The following GLDC variants were observed in gnomAD, a reference collection of about 807,000 sequenced individuals.
The protein encoded by GLDC is glycine decarboxylase.
A neutral mutation model predicts 121.3 loss-of-function variants in GLDC; 104 were observed. The observed-to-expected ratio is 0.86, with a 90% CI of 0.73 to 1.01. GLDC has a LOEUF of 1.01. Among genes scored for constraint, GLDC ranks in the 50% least tolerant of loss-of-function variants. The pLI is 0.00. For missense variants in GLDC, 1,429 were observed against 1,306.6 expected, an observed-to-expected ratio of 1.09 and a Z score of -1.44; for synonymous variants, 546 against 480.6, an observed-to-expected ratio of 1.14 and a Z score of -1.78.
At chr9:6,599,948 G>C (rs1046441885) in intron 8 of GLDC, among the ~76,000 whole-genome samples, 1 of 152,080 alleles carries the variant, frequency 6.6e-6, no homozygotes, top group Admixed American at 6.6e-5. Context: ...AGATCTTATT[G>C]CCCACTGCCT....
intron 22 of GLDC, 45 bp from the exon 23 acceptor site, chr9:6,536,281 C>T: frequency 6.5e-7 from 1 of 1,527,246 alleles, no homozygotes; most frequent in Non-Finnish European, 9.0e-7. Context: ...AGGTCAGTGG[C>T]CTACCCAGTT....
intron 3 of GLDC, among the ~76,000 whole-genome samples, chr9:6,617,114 G>C (rs543783424): frequency 6.6e-6 from 1 of 152,240 alleles, no homozygotes; most frequent in South Asian, 2.1e-4. Context: ...TCCGGAATTT[G>C]TTGGTTCCAT....
intron 7 of GLDC, among the ~76,000 whole-genome samples, chr9:6,602,875 C>T (rs967690850): frequency 3.3e-5 from 5 of 151,970 alleles, no homozygotes; most frequent in Non-Finnish European, 7.4e-5. Flanking sequence ...ACAGATTCCA[C>T]CAATCACGGA....
intron 3 of GLDC, among the ~76,000 whole-genome samples, chr9:6,616,917 G>A (rs1818976759): frequency 6.6e-6 from 1 of 152,260 alleles, no homozygotes; most frequent in African/African-American, 2.4e-5. Flanking sequence ...TAATCCTGCT[G>A]ACAAAAATAT....
At chr9:6,621,029 G>A (rs1236444554) in intron 2 of GLDC, among the ~76,000 whole-genome samples, 1 of 152,142 alleles carries the variant, frequency 6.6e-6, no homozygotes, top group African/African-American at 2.4e-5. Context: ...AATTAGCCAG[G>A]CATGGTGGTT....
chr9:6,554,999 C>T, intron 18 of GLDC: 1 of 612,978 alleles, frequency 1.6e-6, no homozygotes, highest in Non-Finnish European at 2.9e-6. Flanking sequence ...ATGGAAATAG[C>T]AACTGACCAT....
intron 2 of GLDC, 170 bp downstream of exon 2, chr9:6,644,444 C>G: frequency 4.5e-6 from 3 of 665,188 alleles, no homozygotes; most frequent in Non-Finnish European, 8.1e-6. Flanking sequence ...GCTCCGAGAA[C>G]CAAATATCCC....
chr9:6,613,264 AC>A (rs1818897872), intron 3 of GLDC, among the ~76,000 whole-genome samples: 2 of 152,216 alleles, frequency 1.3e-5, no homozygotes, highest in African/African-American at 4.8e-5. Flanking sequence ...CCAAACTTTA[AC>A]ATAACTACAG....
intron 3 of GLDC, 122 bp downstream of exon 3, chr9:6,620,062 G>A: frequency 1.1e-6 from 1 of 940,422 alleles, no homozygotes; most frequent in Non-Finnish European, 1.7e-6. Context: ...CCCGGACATT[G>A]GAGACAGCAC....
intron 2 of GLDC, among the ~76,000 whole-genome samples, chr9:6,627,475 C>T (rs140703901): frequency 8.5e-4 from 129 of 152,204 alleles, no homozygotes; most frequent in Middle Eastern, 3.4e-3. Flanking sequence ...GACTCTGCCC[C>T]TATCCAGCTT....
intron 9 of GLDC, among the ~76,000 whole-genome samples, chr9:6,593,778 C>T (rs748165107): frequency 6.6e-6 from 1 of 151,496 alleles, no homozygotes. Flanking sequence ...CTGCAACCTC[C>T]GCCTCCTAAA....
chr9:6,554,303 A>G (rs923455801), intron 19 of GLDC, among the ~76,000 whole-genome samples: 1 of 152,192 alleles, frequency 6.6e-6, no homozygotes. Flanking sequence ...GATTTTAAAA[A>G]AGAAAAAAAA....
chr9:6,590,055 A>T (rs1228056443), intron 11 of GLDC, among the ~76,000 whole-genome samples: 2 of 145,778 alleles, frequency 1.4e-5, no homozygotes, highest in African/African-American at 5.0e-5. Context: ...ACTCCATCTT[A>T]AAAAAAAAAA....
intron 19 of GLDC, among the ~76,000 whole-genome samples, chr9:6,553,953 C>T (rs1403840825): frequency 2.0e-5 from 3 of 151,770 alleles, no homozygotes; most frequent in African/African-American, 7.3e-5. Flanking sequence ...TAGAAATAAT[C>T]ATCATCAAAA....
intron 2 of GLDC, among the ~76,000 whole-genome samples, chr9:6,622,419 T>A (rs1819123075): frequency 6.7e-6 from 1 of 149,566 alleles, no homozygotes; most frequent in Admixed American, 6.6e-5. Flanking sequence ...TTTTCGTATT[T>A]TTTTGGTGGA....
At chr9:6,600,800 T>C (rs1818593776) in intron 8 of GLDC, among the ~76,000 whole-genome samples, 1 of 152,040 alleles carries the variant, frequency 6.6e-6, no homozygotes, top group Non-Finnish European at 1.5e-5. Context: ...ACCTAAGCCC[T>C]GGAGCAACTT....
chr9:6,631,896 C>T (rs115170950), intron 2 of GLDC, among the ~76,000 whole-genome samples: 2,108 of 152,206 alleles, frequency 0.014, 41 homozygotes, highest in African/African-American at 0.048. Context: ...GCAAGACCCC[C>T]GTCTCTACAA....
At chr9:6,615,770 C>G (rs1170655437) in intron 3 of GLDC, among the ~76,000 whole-genome samples, 1 of 151,988 alleles carries the variant, frequency 6.6e-6, no homozygotes, top group Non-Finnish European at 1.5e-5. Context: ...ATCACTAGGC[C>G]TGGCTAATTT....
chr9:6,617,247 T>G (rs1364623382), intron 3 of GLDC, among the ~76,000 whole-genome samples: 1 of 152,122 alleles, frequency 6.6e-6, no homozygotes, highest in Non-Finnish European at 1.5e-5. Context: ...TTTCAGAGAA[T>G]AGAAAGAAAT....
Sources: allele counts gnomAD v4.1 joint callset (sites outside exome capture counted in the v4.1 genomes callset), GRCh38; gene constraint gnomAD v4.1.1; transcripts MANE v1.5; gene names NCBI Gene and HGNC (gene_info 2026-07-23, HGNC 2026-07-21).